KIF1C: variants seen among roughly 807,000 people sequenced by gnomAD.
KIF1C encodes the protein kinesin family member 1C.
KIF1C carries 61 observed loss-of-function variants against 126.5 expected under a neutral mutation model. The ratio of observed to expected loss-of-function variants is 0.48; its 90% confidence interval spans 0.39 to 0.60. The LOEUF is 0.60. KIF1C is among the 20% of genes least tolerant of loss of function. The probability of loss-of-function intolerance (pLI) is 0.00; values close to 1 mark genes in which losing one functional copy is unlikely to be tolerated. For missense variants in KIF1C, 1,315 were observed against 1,489.2 expected (o/e 0.88, Z 1.93); for synonymous variants, 640 against 580.6 (o/e 1.10, Z -1.47).
At chr17:5,010,967 C>T (rs1302091801) in intron 16 of KIF1C, among the ~76,000 whole-genome samples, 1 of 151,752 alleles carries the variant, frequency 6.6e-6, no homozygotes, top group Non-Finnish European at 1.5e-5. Flanking sequence ...CCCACCACCA[C>T]TCCTGGCTAA....
In KIF1C at chr17:5,002,956, T is replaced by G. The variant is rs1421642044; in HGVS notation, c.720+114T>G. ...CCCTGCCCATGCTGGGTTGAGTGCC[T>G]CCTCAGGACTACCATGACCGCGCCC... On this transcript the variant is annotated intron_variant, in intron 8 of 22. Transcript: ENST00000320785. 7.8e-6 allele frequency: 6 copies of G among 773,412 alleles called. No individual in the cohort carries two copies. The East Asian group carries it at 7.9e-5, about 10-fold the overall frequency. 47.9% of individuals were successfully genotyped at this position (773,412 alleles called of 1,614,324 possible). A position where few individuals can be genotyped will look rare whatever the true frequency, so the allele number is the denominator to read the frequency against.
chr17:5,003,849 A>G lies in KIF1C; in HGVS notation c.799-2A>G. 6.2e-7 allele frequency: 1 copy of G among 1,613,404 alleles called. No homozygotes were observed. Among genetic ancestry groups the G allele is most frequent in the Non-Finnish European group, 8.5e-7 (1 of 1,179,310 alleles). On this transcript the variant is annotated splice_acceptor_variant, in intron 9 of 22. Transcript: ENST00000320785. LOFTEE classifies it high-confidence loss of function. ...ATCCCCACATTCCTCATCCTTTTCC[A>G]GGAAGGAGCCAACATCAATAAGTCC...
chr17:5,017,710 T>C (rs981941658), intron 18 of KIF1C, among the ~76,000 whole-genome samples: 1 of 151,442 alleles, frequency 6.6e-6, no homozygotes, highest in Admixed American at 6.6e-5. Flanking sequence ...TTACTGACCA[T>C]CTACTCTGTG....
At chr17:5,005,750 T>G (rs888636311) in intron 13 of KIF1C, among the ~76,000 whole-genome samples, 1 of 149,866 alleles carries the variant, frequency 6.7e-6, no homozygotes, top group Non-Finnish European at 1.5e-5. Flanking sequence ...TTTTTTGAGA[T>G]GGAGTCTTGC....
intron 18 of KIF1C, among the ~76,000 whole-genome samples, chr17:5,017,235 T>A (rs1365482740): frequency 6.6e-6 from 1 of 151,144 alleles, no homozygotes; most frequent in Non-Finnish European, 1.5e-5. Context: ...AGGCAGCCAA[T>A]GATTCTGTGT....
At chr17:5,001,652 T>C (rs1438141455) in intron 5 of KIF1C, among the ~76,000 whole-genome samples, 1 of 152,196 alleles carries the variant, frequency 6.6e-6, no homozygotes, top group African/African-American at 2.4e-5. Context: ...CGAGCGCCAG[T>C]TTTACGACTT....
chr17:5,022,605 G>A lies in KIF1C; in HGVS notation c.2524G>A (p.Gly842Arg), dbSNP rs769148587. 53 of 1,606,818 alleles carry A rather than the reference G, an allele frequency of 3.3e-5. No homozygotes were observed. The Admixed American group carries it at 8.6e-4, about 26-fold the overall frequency. The stretch of plus-strand genomic sequence containing the variant: ...CCGGGCCCACATCGACAAGCTGACG[G>A]GGATTCTGCAGGAGGTGAAGCTGCA... ...DLRAHIDKLT[G>R]ILQEVKLQNS... is the part of the protein sequence containing the mutation. Residue 842 changes from glycine (G) to arginine (R), a missense_variant, in exon 22 of 23, where the codon GGG (glycine) becomes AGG (arginine). This residue lies in a region of KIF1C where 441 missense variants were observed against 436.1 expected (regional missense o/e 1.01). Coordinates refer to ENST00000320785, the MANE Select transcript of KIF1C (RefSeq NM_006612.6). The surrounding 1 kb of genome is among the most constrained non-coding windows in gnomAD (Gnocchi z 4.9).
At chr17:5,004,828 C>A (rs1974688444) in intron 12 of KIF1C, 27 bp from the exon 13 acceptor site, 2 of 1,613,934 alleles carry the variant, frequency 1.2e-6, no homozygotes, top group African/African-American at 2.7e-5. Flanking sequence ...CCCCAGGCCT[C>A]ACCGACCCTG....
chr17:5,011,084 G>A lies in KIF1C; in HGVS notation c.1492-2569G>A, dbSNP rs775212335. The stretch of plus-strand genomic sequence containing the variant: ...CTTAGTAAGACTTTTCTCTTTGCCT[G>A]TGTGATTGGTGAGAAGGTGTCTTAA... On this transcript the variant is annotated intron_variant, in intron 16 of 22. Coordinates refer to ENST00000320785, the MANE Select transcript of KIF1C (RefSeq NM_006612.6). Among the ~76,000 whole-genome samples, 16 of 152,158 alleles carry A rather than the reference G, an allele frequency of 1.1e-4. 1 individual carries two copies. The highest frequency in any genetic ancestry group is 4.1e-4 in the South Asian group (2 of 4,824).
intron 18 of KIF1C, among the ~76,000 whole-genome samples, chr17:5,016,902 T>TTA (rs1567726300): frequency 7.2e-6 from 1 of 138,696 alleles, no homozygotes. Flanking sequence ...TGAGACTGTT[T>TTA]CAAAAAAAAA....
rs1975124032 is a variant in KIF1C at position 5,022,832 on chromosome 17, G to A, written c.2628+123G>A. The stretch of plus-strand genomic sequence containing the variant: ...AAAAAATTGCATTGAAGTATAGTAC[G>A]TTTTTTTCAATATTGTTTACGAACC... On this transcript the variant is annotated intron_variant, in intron 22 of 22. Transcript: ENST00000320785. The surrounding 1 kb of genome is among the most constrained non-coding windows in gnomAD (Gnocchi z 4.9). 3.1e-6 allele frequency: 4 copies of A among 1,292,280 alleles called. No homozygotes were observed. The highest frequency in any genetic ancestry group is 4.0e-6 in the Non-Finnish European group (4 of 1,001,684). 80.1% of individuals were successfully genotyped at this position (1,292,280 alleles called of 1,614,324 possible). A position where few individuals can be genotyped will look rare whatever the true frequency, so the allele number is the denominator to read the frequency against.
At chr17:5,018,790 A>G (rs868704181) in intron 18 of KIF1C, among the ~76,000 whole-genome samples, 1 of 152,204 alleles carries the variant, frequency 6.6e-6, no homozygotes, top group Non-Finnish European at 1.5e-5. Flanking sequence ...ACCAGACAGA[A>G]GTAAGCTCTA....
Position 5,020,048 on chromosome 17 carries a change from G to A in KIF1C, c.1719G>A (p.Lys573=). 6.2e-7 allele frequency: 1 copy of A among 1,602,914 alleles called. No homozygotes were observed. The highest frequency in any genetic ancestry group is 1.3e-5 in the African/African-American group (1 of 74,860). ...CEGAETYVNG[K]LVTEPLVLKS... is the part of the protein sequence containing the mutation. ...GAGCTGAGACATATGTGAATGGGAA[G>A]CTTGTGACGGAGCCGCTGGTGCTGA... Residue 573 remains lysine, a synonymous_variant, in exon 19 of 23, where the codon AAG becomes AAA. Transcript: ENST00000320785. This position sits in a 1 kb window ranked among gnomAD's most constrained non-coding sequence, Gnocchi z 5.8.
chr17:5,007,227 A>G (rs1389088185), intron 14 of KIF1C, 36 bp from the exon 15 acceptor site: 2 of 1,591,272 alleles, frequency 1.3e-6, no homozygotes, highest in Non-Finnish European at 8.6e-7. Flanking sequence ...TGCTTGTCCC[A>G]GACCATCCTG....
chr17:5,006,421 C>G (rs111233360), intron 13 of KIF1C, among the ~76,000 whole-genome samples: 1,935 of 151,982 alleles, frequency 0.013, 47 homozygotes, highest in African/African-American at 0.044. Flanking sequence ...ACTGCAACCT[C>G]TACCTCCTGG....
At chr17:4,999,253 G>C (rs1974499138) in intron 1 of KIF1C, among the ~76,000 whole-genome samples, 1 of 152,186 alleles carries the variant, frequency 6.6e-6, no homozygotes. Flanking sequence ...TGCACTACTG[G>C]CCTGGTGCAT....
intron 16 of KIF1C, among the ~76,000 whole-genome samples, chr17:5,010,726 GA>G (rs1974845489): frequency 6.6e-6 from 1 of 151,132 alleles, no homozygotes; most frequent in African/African-American, 2.4e-5. Context: ...CAGCCCAGGT[GA>G]CAGAGCGAGA....
intron 13 of KIF1C, among the ~76,000 whole-genome samples, chr17:5,005,307 A>C (rs1180466310): frequency 6.6e-6 from 1 of 152,268 alleles, no homozygotes; most frequent in Admixed American, 6.5e-5. Flanking sequence ...TAAATTGTTA[A>C]GAGGCTAGGC....
rs771303157 is a variant in KIF1C at position 5,022,358 on chromosome 17, G to A, written c.2277G>A (p.Val759=). The change falls in exon 22 of 23, where the codon GTG becomes GTA. Residue 759 remains valine (V), a synonymous_variant. Coordinates refer to ENST00000320785, the MANE Select transcript of KIF1C (RefSeq NM_006612.6). The surrounding 1 kb of genome is among the most constrained non-coding windows in gnomAD (Gnocchi z 4.9). ...CGGTGAAGGAGATCTGCTACGAGGT[G>A]GCCCTGGCTGACTTCCGCCACGGGC... ...MQAVKEICYE[V]ALADFRHGRA... is the part of the protein sequence containing the mutation. The A allele has an allele frequency of 7.5e-6, 12 of 1,589,836 alleles. No homozygotes were observed. The African/African-American group carries it at 8.1e-5, about 11-fold the overall frequency.
Sources: gnomAD v4.1 joint callset for allele counts (sites outside exome capture counted in the v4.1 genomes callset) on GRCh38, gnomAD v4.1.1 for gene constraint, gnomAD v4.1.1 regional missense constraint, Gnocchi (gnomAD v3.1) non-coding constraint, MANE v1.5 for transcripts, NCBI Gene and HGNC (gene_info 2026-07-23, HGNC 2026-07-21) for gene names.